TANGO6: variants seen among roughly 807,000 people sequenced by gnomAD.
TANGO6 encodes the protein transport and Golgi organization protein 6 homolog.
In TANGO6, 90 loss-of-function variants were observed where a neutral mutation model predicts 114.2. The ratio of observed to expected loss-of-function variants is 0.79; its 90% CI spans 0.66 to 0.94. The LOEUF is 0.94. Among genes scored for constraint, TANGO6 ranks in the 40% least tolerant of loss-of-function variants. The pLI is 0.00. For synonymous variants in TANGO6, 477 were observed against 509.8 expected, an observed-to-expected ratio of 0.94 and a Z score of 0.87; for missense variants, 1,274 against 1,315.3, an observed-to-expected ratio of 0.97 and a Z score of 0.49.
chr16:69,053,191 A>G (rs572961461), intron 17 of TANGO6, among the ~76,000 whole-genome samples: 5 of 152,304 alleles, frequency 3.3e-5, no homozygotes, highest in African/African-American at 1.2e-4. Context: ...TAGAATGTAT[A>G]GGTTCTAAAA....
chr16:68,879,736 C>G (rs1406322890), intron 6 of TANGO6, among the ~76,000 whole-genome samples: 1 of 150,894 alleles, frequency 6.6e-6, no homozygotes, highest in African/African-American at 2.4e-5. Flanking sequence ...CCTGCCTCAG[C>G]CTCCTGAGTA....
chr16:68,881,625 A>C (rs1464696180), intron 7 of TANGO6, among the ~76,000 whole-genome samples: 1 of 152,246 alleles, frequency 6.6e-6, no homozygotes, highest in Non-Finnish European at 1.5e-5. Context: ...AATTACTGTC[A>C]TAACAAATTA....
At chr16:68,879,185 G>A (rs1427610322) in intron 6 of TANGO6, among the ~76,000 whole-genome samples, 1 of 151,826 alleles carries the variant, frequency 6.6e-6, no homozygotes, top group East Asian at 1.9e-4. Flanking sequence ...TGTCCAGGCT[G>A]GTCTGGAACT....
At chr16:69,008,051 T>C (rs538065478) in intron 15 of TANGO6, among the ~76,000 whole-genome samples, 8 of 152,282 alleles carry the variant, frequency 5.3e-5, no homozygotes, top group Admixed American at 4.6e-4. Flanking sequence ...CTTACACTTA[T>C]ATGATTTGCA....
intron 3 of TANGO6, among the ~76,000 whole-genome samples, chr16:68,866,026 CCT>C (rs1214181304): frequency 1.3e-5 from 2 of 152,176 alleles, no homozygotes; most frequent in East Asian, 3.8e-4. Context: ...TGTGAACTAC[CCT>C]CTTAGTGGCA....
At chr16:68,866,054 A>C (rs1962172421) in intron 3 of TANGO6, among the ~76,000 whole-genome samples, 1 of 152,178 alleles carries the variant, frequency 6.6e-6, no homozygotes, top group South Asian at 2.1e-4. Flanking sequence ...CGTTCATAAG[A>C]ATCTTCCTTG....
intron 15 of TANGO6, among the ~76,000 whole-genome samples, chr16:69,008,103 T>C (rs556385445): frequency 6.6e-6 from 1 of 151,862 alleles, no homozygotes; most frequent in African/African-American, 2.4e-5. Flanking sequence ...TCACTTTTTT[T>C]AAAAAAAAGA....
chr16:69,042,029 G>A (rs533677369), intron 17 of TANGO6, among the ~76,000 whole-genome samples: 22 of 152,298 alleles, frequency 1.4e-4, no homozygotes, highest in African/African-American at 5.3e-4. Context: ...TGGGGAACTA[G>A]GACAGTTTCC....
intron 17 of TANGO6, among the ~76,000 whole-genome samples, chr16:69,078,597 CT>C (rs1340902443): frequency 2.0e-5 from 3 of 152,168 alleles, no homozygotes; most frequent in Non-Finnish European, 2.9e-5. Flanking sequence ...TATTGTCTGT[CT>C]TTACGTGACT....
intron 1 of TANGO6, among the ~76,000 whole-genome samples, chr16:68,849,039 C>T (rs1400525109): frequency 6.6e-6 from 1 of 152,104 alleles, no homozygotes; most frequent in East Asian, 1.9e-4. Context: ...ATATTCATTG[C>T]TATTGAAATT....
At chr16:68,949,525 G>A (rs1010787723) in intron 14 of TANGO6, among the ~76,000 whole-genome samples, 3 of 152,052 alleles carry the variant, frequency 2.0e-5, no homozygotes, top group Non-Finnish European at 2.9e-5. Context: ...GGAGGCTGAG[G>A]CAGGAGAATC....
intron 14 of TANGO6, chr16:68,972,962 G>C (rs183635563): frequency 1.6e-3 from 495 of 311,668 alleles, no homozygotes; most frequent in South Asian, 2.2e-3. Flanking sequence ...GAATAGCAAG[G>C]AGGCCAGGAA....
intron 14 of TANGO6, among the ~76,000 whole-genome samples, chr16:68,971,248 T>C (rs1963701922): frequency 1.3e-5 from 2 of 152,088 alleles, no homozygotes; most frequent in Non-Finnish European, 2.9e-5. Flanking sequence ...AGAATTGCAG[T>C]TGTGGAGGTC....
At chr16:68,846,200 A>T (rs1961799766) in intron 1 of TANGO6, among the ~76,000 whole-genome samples, 1 of 151,530 alleles carries the variant, frequency 6.6e-6, no homozygotes, top group African/African-American at 2.4e-5. Flanking sequence ...AATTTTTTGT[A>T]CTTTTAATAG....
chr16:68,891,353 G>A (rs1193606796), intron 7 of TANGO6, among the ~76,000 whole-genome samples: 1 of 148,558 alleles, frequency 6.7e-6, no homozygotes, highest in African/African-American at 2.5e-5. Flanking sequence ...CCAGCTACTC[G>A]GGTGGATGAG....
In TANGO6 at chr16:68,930,295, G is replaced by C; in HGVS notation, c.2701G>C (p.Gly901Arg). Residue 901 changes from glycine to arginine, a missense_variant and splice_region_variant, in exon 14 of 18, where the codon GGG becomes CGG. Physicochemically the swap from Gly to Arg is moderately radical, Grantham distance 125 (BLOSUM62 -2). Transcript: ENST00000261778. The part of the protein sequence containing the change: ...DTFVYLSAIQ[G>R]VALLSDVYPE... ...TTTTGTATATCTATCTGCAATTCAG[G>C]GTAAGTCAGTCCTGGTTAAAGGACT... 1 of 1,553,424 alleles carries C rather than the reference G, an allele frequency of 6.4e-7. No individual in the cohort carries two copies. The highest frequency in any genetic ancestry group is 8.7e-7 in the Non-Finnish European group (1 of 1,147,382).
Position 68,950,588 on chromosome 16 carries a change from C to T in TANGO6, c.2701+20293C>T, listed in dbSNP as rs139006471. Among the ~76,000 whole-genome samples the T allele has an allele frequency of 3.6e-3, 539 of 149,266 alleles. 17 individuals carry two copies. The highest frequency in any genetic ancestry group is 0.031 in the Admixed American group (468 of 14,958). ...TTAAAAAAAAAATTTAGGATGGGCG[C>T]GGTGGCTCACACCTGTAGTCCCAGC... On this transcript the variant is annotated intron_variant, in intron 14 of 17. Coordinates refer to ENST00000261778, the MANE Select transcript of TANGO6 (RefSeq NM_024562.2).
At position 69,041,865 on chromosome 16, in the gene TANGO6, T is replaced by C. The variant is rs926517302; in HGVS notation, c.3108+1444T>C. 2.6e-5 allele frequency among the ~76,000 whole-genome samples: 4 copies of C among 152,352 alleles called. 1 individual carries two copies. Among genetic ancestry groups the C allele is most frequent in the Non-Finnish European group, 5.9e-5 (4 of 68,040 alleles). On this transcript the variant is annotated intron_variant, in intron 17 of 17. Transcript: ENST00000261778. ...AAGTAGGTGGTGTCTGTTTAGCAGCTCAGTATCAACAGGACCAACATTTCT... is the reference window on the plus strand; with the variant it reads ...AAGTAGGTGGTGTCTGTTTAGCAGCCCAGTATCAACAGGACCAACATTTCT...
chr16:68,969,361 C>G (rs1963680811), intron 14 of TANGO6, among the ~76,000 whole-genome samples: 1 of 152,170 alleles, frequency 6.6e-6, no homozygotes, highest in Admixed American at 6.5e-5. Context: ...AAAACAAGCA[C>G]ACAAAATCTC....
Sources: allele counts gnomAD v4.1 joint callset (sites outside exome capture counted in the v4.1 genomes callset), GRCh38; gene constraint gnomAD v4.1.1; transcripts MANE v1.5; gene names NCBI Gene and HGNC (gene_info 2026-07-23, HGNC 2026-07-21).